Variants in SPOCK1 observed in about 807,000 individuals in gnomAD.
SPOCK1 encodes the protein SPARC (osteonectin), cwcv and kazal like domains proteoglycan 1, also known as testican-1.
A neutral mutation model predicts 55.3 loss-of-function variants in SPOCK1; 23 were observed. That is an observed-to-expected ratio of 0.42 (90% confidence interval 0.30 to 0.59). SPOCK1 has a LOEUF of 0.59. Among genes scored for constraint, SPOCK1 ranks in the 20% least tolerant of loss-of-function variants. The pLI is 0.22. For missense variants in SPOCK1, 499 were observed against 552.5 expected (o/e 0.90, Z 0.97); for synonymous variants, 226 against 221.0 (o/e 1.02, Z -0.20).
intron 6 of SPOCK1, among the ~76,000 whole-genome samples, chr5:137,038,376 C>A (rs1409863058): frequency 6.6e-6 from 1 of 152,168 alleles, no homozygotes; most frequent in African/African-American, 2.4e-5. Flanking sequence ...AGAACCAGGC[C>A]TGGGAAGGGA....
chr5:137,116,706 G>A (rs1489863744), intron 4 of SPOCK1, among the ~76,000 whole-genome samples: 1 of 151,684 alleles, frequency 6.6e-6, no homozygotes, highest in Non-Finnish European at 1.5e-5. Context: ...CTCCAAGCTT[G>A]AGAATTAAAC....
At chr5:137,013,404 T>A (rs1751390167) in intron 6 of SPOCK1, among the ~76,000 whole-genome samples, 1 of 152,230 alleles carries the variant, frequency 6.6e-6, no homozygotes, top group South Asian at 2.1e-4. Context: ...AAACTTTCTT[T>A]GTTGACTTGG....
At chr5:137,184,187 C>T in intron 3 of SPOCK1, among the ~76,000 whole-genome samples, 1 of 152,178 alleles carries the variant, frequency 6.6e-6, no homozygotes, top group South Asian at 2.1e-4. Flanking sequence ...CAGTGAGCAT[C>T]TGAGCTTCAG....
At chr5:137,450,009 T>TA (rs200016393) in intron 2 of SPOCK1, among the ~76,000 whole-genome samples, 65 of 141,558 alleles carry the variant, frequency 4.6e-4, no homozygotes, top group African/African-American at 1.3e-3. Context: ...GTGGCATTCA[T>TA]AAAAAAAAAC....
chr5:137,326,997 A>AAAAC (rs141419475), intron 2 of SPOCK1, among the ~76,000 whole-genome samples: 1 of 152,004 alleles, frequency 6.6e-6, no homozygotes. Context: ...CTTAAATTCT[A>AAAAC]AAACAAACAA....
Position 136,985,123 on chromosome 5 carries a change from CA to C in SPOCK1, c.991+16del. The C allele has an allele frequency of 6.2e-7, 1 of 1,613,314 alleles. No homozygotes were observed. Among genetic ancestry groups the C allele is most frequent in the Non-Finnish European group, 8.5e-7 (1 of 1,179,242 alleles). On this transcript the variant is annotated intron_variant, in intron 9 of 10. Transcript: ENST00000394945. ...CTTAATTAGTTGTTTAAATGAGTGG[CA>C]AGAAATTGTACTTACCCAACAGGCT...
chr5:137,049,112 A>G (rs1362150051), intron 6 of SPOCK1, among the ~76,000 whole-genome samples: 1 of 111,754 alleles, frequency 8.9e-6, no homozygotes, highest in Non-Finnish European at 1.9e-5. Context: ...TCTGACAATT[A>G]TGTGTCTTGG....
intron 2 of SPOCK1, among the ~76,000 whole-genome samples, chr5:137,342,065 G>A (rs570013043): frequency 1.3e-5 from 2 of 152,328 alleles, no homozygotes; most frequent in Admixed American, 1.3e-4. Flanking sequence ...AATGAGCAAA[G>A]CCTTGCAAAC....
At chr5:137,137,441 A>G (rs1237205748) in intron 4 of SPOCK1, among the ~76,000 whole-genome samples, 2 of 152,224 alleles carry the variant, frequency 1.3e-5, no homozygotes, top group African/African-American at 2.4e-5. Context: ...TATGCACTCA[A>G]CTGATATCGT....
intron 2 of SPOCK1, among the ~76,000 whole-genome samples, chr5:137,321,360 T>C (rs910494005): frequency 2.6e-5 from 4 of 151,570 alleles, no homozygotes; most frequent in African/African-American, 9.7e-5. Flanking sequence ...AACATCCAAA[T>C]CCAAGAAGCC....
Position 137,423,476 on chromosome 5 carries a change from G to A in SPOCK1, c.186+74897C>T, listed in dbSNP as rs183564044. 4.4e-3 allele frequency among the ~76,000 whole-genome samples: 665 copies of A among 152,292 alleles called. 6 individuals are homozygous for A. The highest frequency in any genetic ancestry group is 0.015 in the African/African-American group (630 of 41,556). Reference sequence around the variant, plus strand: ...CACTTTGTTTACCTACTCAAGCCTCGGCAATGGCGGGTGCTTCTCCCCCAG... The same window carrying A: ...CACTTTGTTTACCTACTCAAGCCTCAGCAATGGCGGGTGCTTCTCCCCCAG... On this transcript the variant is annotated intron_variant, in intron 2 of 10. Coordinates refer to ENST00000394945, the MANE Select transcript of SPOCK1 (RefSeq NM_004598.4).
chr5:137,061,286 A>AC (rs1752389775), intron 6 of SPOCK1, among the ~76,000 whole-genome samples: 1 of 152,100 alleles, frequency 6.6e-6, no homozygotes, highest in Non-Finnish European at 1.5e-5. Flanking sequence ...GGAACTCCTT[A>AC]CCCCATTCCC....
chr5:137,374,161 T>G (rs1302222765), intron 2 of SPOCK1, among the ~76,000 whole-genome samples: 1 of 152,272 alleles, frequency 6.6e-6, no homozygotes, highest in Non-Finnish European at 1.5e-5. Flanking sequence ...TAATAACTAA[T>G]CCTTCCAGCA....
At chr5:137,218,825 T>G (rs1755767733) in intron 3 of SPOCK1, among the ~76,000 whole-genome samples, 1 of 152,086 alleles carries the variant, frequency 6.6e-6, no homozygotes, top group Admixed American at 6.5e-5. Flanking sequence ...CAGACCACCA[T>G]ACCAGACAAT....
intron 3 of SPOCK1, among the ~76,000 whole-genome samples, chr5:137,171,079 C>G (rs562875250): frequency 6.6e-6 from 1 of 152,092 alleles, no homozygotes; most frequent in African/African-American, 2.4e-5. Flanking sequence ...ATGGAGTGAA[C>G]GGGAAGAGCC....
At chr5:137,320,738 T>C (rs576469822) in intron 2 of SPOCK1, among the ~76,000 whole-genome samples, 129 of 152,344 alleles carry the variant, frequency 8.5e-4, no homozygotes, top group African/African-American at 2.8e-3. Flanking sequence ...TAAGAGACGC[T>C]TGGAATCTCT....
chr5:137,150,024 G>T (rs1248933485), intron 3 of SPOCK1, among the ~76,000 whole-genome samples: 1 of 152,124 alleles, frequency 6.6e-6, no homozygotes, highest in Non-Finnish European at 1.5e-5. Flanking sequence ...TTATCCTCAT[G>T]GCTTTTACCA....
At chr5:137,354,122 A>G (rs1269266159) in intron 2 of SPOCK1, among the ~76,000 whole-genome samples, 1 of 152,062 alleles carries the variant, frequency 6.6e-6, no homozygotes, top group Admixed American at 6.5e-5. Flanking sequence ...TACTACCGCT[A>G]TCCCCACACT....
intron 5 of SPOCK1, among the ~76,000 whole-genome samples, chr5:137,073,440 A>C (rs1385741982): frequency 6.6e-6 from 1 of 152,186 alleles, no homozygotes; most frequent in African/African-American, 2.4e-5. Context: ...AGGGTAGAAG[A>C]TTTTGACTAC....
Sources: gnomAD v4.1 joint callset for allele counts (sites outside exome capture counted in the v4.1 genomes callset) on GRCh38, gnomAD v4.1.1 for gene constraint, MANE v1.5 for transcripts, NCBI Gene and HGNC (gene_info 2026-07-23, HGNC 2026-07-21) for gene names.